KCNIP1: variants seen among roughly 807,000 people sequenced by gnomAD.
The protein encoded by KCNIP1 is A-type potassium channel modulatory protein KCNIP1.
KCNIP1 carries 18 observed loss-of-function variants against 33.0 expected under a neutral mutation model. The ratio of observed to expected loss-of-function variants is 0.55; its 90% confidence interval spans 0.38 to 0.81. KCNIP1 has a LOEUF of 0.81. Among genes scored for constraint, KCNIP1 ranks in the 30% least tolerant of loss-of-function variants. The probability of loss-of-function intolerance (pLI) is 0.00; values close to 1 mark genes in which losing one functional copy is unlikely to be tolerated. For missense variants in KCNIP1, 238 were observed against 271.6 expected, an observed-to-expected ratio of 0.88 and a Z score of 0.87; for synonymous variants, 93 against 98.3, an observed-to-expected ratio of 0.95 and a Z score of 0.32.
chr5:170,534,029 AG>A (rs1755879489), intron 1 of KCNIP1, among the ~76,000 whole-genome samples: 1 of 152,322 alleles, frequency 6.6e-6, no homozygotes, highest in South Asian at 2.1e-4. Context: ...GTCCCCATAG[AG>A]GTGATAAAGG....
intron 1 of KCNIP1, among the ~76,000 whole-genome samples, chr5:170,563,278 G>A (rs183287790): frequency 2.6e-5 from 4 of 152,322 alleles, no homozygotes; most frequent in Admixed American, 2.0e-4. Flanking sequence ...AAGGGAAGGA[G>A]GCTAGTGATT....
intron 1 of KCNIP1, among the ~76,000 whole-genome samples, chr5:170,403,815 C>G (rs988085937): frequency 7.2e-5 from 11 of 152,292 alleles, no homozygotes; most frequent in South Asian, 6.2e-4. Context: ...CCTCCTACTA[C>G]GCCGGCTTTG....
intron 1 of KCNIP1, among the ~76,000 whole-genome samples, chr5:170,368,821 C>G (rs1256640967): frequency 2.6e-5 from 4 of 152,216 alleles, no homozygotes; most frequent in Admixed American, 2.0e-4. Context: ...ACTCCCTAGT[C>G]CTGTGTCCCC....
At chr5:170,533,538 G>A (rs1755859821) in intron 1 of KCNIP1, among the ~76,000 whole-genome samples, 2 of 152,176 alleles carry the variant, frequency 1.3e-5, no homozygotes, top group African/African-American at 2.4e-5. Flanking sequence ...GAGGGCAGGT[G>A]GCACAGTGCC....
At chr5:170,698,925 C>T (rs1408701777) in intron 1 of KCNIP1, among the ~76,000 whole-genome samples, 1 of 152,050 alleles carries the variant, frequency 6.6e-6, no homozygotes, top group Non-Finnish European at 1.5e-5. Flanking sequence ...ATGAAGATCT[C>T]CAAGCCGGAG....
chr5:170,651,195 C>A (rs964397588), intron 1 of KCNIP1, among the ~76,000 whole-genome samples: 1 of 152,116 alleles, frequency 6.6e-6, no homozygotes, highest in Non-Finnish European at 1.5e-5. Context: ...GTCAGGGCTC[C>A]CAGAGATAAA....
chr5:170,444,121 G>C (rs1002556164), intron 1 of KCNIP1, among the ~76,000 whole-genome samples: 1 of 152,218 alleles, frequency 6.6e-6, no homozygotes, highest in African/African-American at 2.4e-5. Context: ...CAAATGACCA[G>C]AAACTTCGTG....
intron 1 of KCNIP1, among the ~76,000 whole-genome samples, chr5:170,648,713 A>C (rs1440200343): frequency 6.6e-6 from 1 of 152,208 alleles, no homozygotes; most frequent in Non-Finnish European, 1.5e-5. Context: ...TTGTCAAAAC[A>C]CAGAGAATGT....
chr5:170,373,445 T>C (rs314149), intron 1 of KCNIP1, among the ~76,000 whole-genome samples: 78,325 of 152,064 alleles, frequency 0.52, 20,432 homozygotes, highest in African/African-American at 0.59. Flanking sequence ...TAAAAAATAT[T>C]AAGGATCCTA....
At chr5:170,428,292 G>T (rs1241713974) in intron 1 of KCNIP1, among the ~76,000 whole-genome samples, 5 of 152,232 alleles carry the variant, frequency 3.3e-5, no homozygotes, top group African/African-American at 4.8e-5. Flanking sequence ...AGCCAGAGCA[G>T]CTATGCTTAA....
intron 1 of KCNIP1, among the ~76,000 whole-genome samples, chr5:170,481,626 A>AAT (rs1756979133): frequency 6.6e-6 from 1 of 152,184 alleles, no homozygotes; most frequent in African/African-American, 2.4e-5. Flanking sequence ...TTAGAAAATA[A>AAT]ATATTTATGA....
At chr5:170,711,498 C>A (rs889245595) in intron 1 of KCNIP1, among the ~76,000 whole-genome samples, 2 of 152,176 alleles carry the variant, frequency 1.3e-5, no homozygotes, top group Non-Finnish European at 2.9e-5. Flanking sequence ...TGACGTCATG[C>A]ATTTGTCAAA....
intron 1 of KCNIP1, among the ~76,000 whole-genome samples, chr5:170,660,167 A>C (rs1761419435): frequency 6.6e-6 from 1 of 152,180 alleles, no homozygotes; most frequent in Non-Finnish European, 1.5e-5. Flanking sequence ...TATTAGTATG[A>C]ATTATAGATA....
intron 1 of KCNIP1, among the ~76,000 whole-genome samples, chr5:170,472,405 A>G (rs1209236599): frequency 6.6e-6 from 1 of 152,170 alleles, no homozygotes; most frequent in African/African-American, 2.4e-5. Flanking sequence ...GTCTCTGATG[A>G]TCACAGTAAT....
chr5:170,355,571 G>A (rs1763325237), intron 1 of KCNIP1, among the ~76,000 whole-genome samples: 1 of 152,136 alleles, frequency 6.6e-6, no homozygotes, highest in African/African-American at 2.4e-5. Context: ...GGAATCATGG[G>A]GGTCAACAGG....
At chr5:170,373,665 C>A (rs2113312773) in intron 1 of KCNIP1, among the ~76,000 whole-genome samples, 1 of 152,324 alleles carries the variant, frequency 6.6e-6, no homozygotes, top group East Asian at 1.9e-4. Context: ...ACATTTTTCA[C>A]AAATCTCTAA....
chr5:170,572,707 C>A lies in KCNIP1; in HGVS notation c.61+68074C>A, dbSNP rs535759831. Among the ~76,000 whole-genome samples, 442 of 152,352 alleles carry A rather than the reference C, an allele frequency of 2.9e-3. 3 individuals are homozygous for A. Among genetic ancestry groups the A allele is most frequent in the Non-Finnish European group, 4.0e-3 (275 of 68,038 alleles). On this transcript the variant is annotated intron_variant, in intron 1 of 7. Coordinates refer to ENST00000328939, the MANE Select transcript of KCNIP1 (RefSeq NM_014592.4). ...CAGGACTCTGCTGCTGGAACAAACA[C>A]AAGCTCTGGGGCGGGGCTGATGATG...
At chr5:170,518,421 T>A (rs930115415) in intron 1 of KCNIP1, among the ~76,000 whole-genome samples, 3 of 152,202 alleles carry the variant, frequency 2.0e-5, no homozygotes, top group Admixed American at 2.0e-4. Flanking sequence ...TCAGAATCAT[T>A]TTAATGTAAG....
intron 1 of KCNIP1, among the ~76,000 whole-genome samples, chr5:170,698,610 C>A (rs1232137760): frequency 6.6e-6 from 1 of 151,860 alleles, no homozygotes; most frequent in Non-Finnish European, 1.5e-5. Flanking sequence ...ACTGCAAGAC[C>A]CCCACCCCCA....
Sources: gnomAD v4.1 joint callset for allele counts (sites outside exome capture counted in the v4.1 genomes callset) on GRCh38, gnomAD v4.1.1 for gene constraint, MANE v1.5 for transcripts, NCBI Gene and HGNC (gene_info 2026-07-23, HGNC 2026-07-21) for gene names.